Variants in PPP6R3 observed in about 807,000 individuals in gnomAD.
The protein encoded by PPP6R3 is serine/threonine-protein phosphatase 6 regulatory subunit 3.
In PPP6R3, 38 loss-of-function variants were observed where a neutral mutation model predicts 110.7. The observed-to-expected ratio is 0.34, with a 90% CI of 0.26 to 0.45. PPP6R3 has a LOEUF of 0.45. Ranked by LOEUF, PPP6R3 falls within the 20% of genes least tolerant of loss-of-function variation. The pLI, the probability that PPP6R3 is intolerant of heterozygous loss-of-function variation, is 1.00. For synonymous variants in PPP6R3, 369 were observed against 373.5 expected (o/e 0.99, Z 0.14); for missense variants, 870 against 1,062.4 (o/e 0.82, Z 2.52).
intron 4 of PPP6R3, among the ~76,000 whole-genome samples, chr11:68,546,620 ATAGTAT>A (rs1229017963): frequency 6.6e-6 from 1 of 152,160 alleles, no homozygotes; most frequent in African/African-American, 2.4e-5. Flanking sequence ...CTGTTATGTG[ATAGTAT>A]TAGTAGGGGT....
rs1277692555 is a variant in PPP6R3, at chr11:68,491,360, G to GTGTGTGTT, written c.-157-28134_-157-28133insTTGTGTGT. Among the ~76,000 whole-genome samples, 5 of 150,828 alleles carry GTGTGTGTT rather than the reference G, an allele frequency of 3.3e-5. No individual in the cohort carries two copies. The East Asian group carries it at 9.7e-4, about 29-fold the overall frequency. Reference sequence around the variant, plus strand: ...TGTGTGTGTGTGTGTGTGTGTGTGTGTGTGTGTGTGTGTGTGTGTTTGAGA... The same window carrying GTGTGTGTT: ...TGTGTGTGTGTGTGTGTGTGTGTGTGTGTGTGTTTGTGTGTGTGTGTGTGTGTTTGAGA... On this transcript the variant is annotated intron_variant, in intron 1 of 23. Transcript: ENST00000393800.
intron 18 of PPP6R3, among the ~76,000 whole-genome samples, chr11:68,592,043 T>C (rs2099596964): frequency 6.6e-6 from 1 of 152,258 alleles, no homozygotes; most frequent in Non-Finnish European, 1.5e-5. Context: ...ATGTGTTGTT[T>C]CTTGTAAAAG....
At chr11:68,578,876 T>C (rs2099542143) in intron 14 of PPP6R3, among the ~76,000 whole-genome samples, 1 of 152,228 alleles carries the variant, frequency 6.6e-6, no homozygotes, top group Admixed American at 6.5e-5. Flanking sequence ...TTTAATTATA[T>C]CCAAAGACCT....
At chr11:68,540,219 G>T (rs1382042901) in intron 3 of PPP6R3, among the ~76,000 whole-genome samples, 2 of 152,188 alleles carry the variant, frequency 1.3e-5, no homozygotes, top group Non-Finnish European at 2.9e-5. Context: ...ATTCACATAG[G>T]TTCTTTTCTG....
intron 3 of PPP6R3, among the ~76,000 whole-genome samples, chr11:68,544,473 T>G (rs2099338583): frequency 6.6e-6 from 1 of 152,226 alleles, no homozygotes; most frequent in Non-Finnish European, 1.5e-5. Flanking sequence ...GCTTTGCTGC[T>G]TCCCATGCCA....
chr11:68,543,548 G>T (rs955346851), intron 3 of PPP6R3, among the ~76,000 whole-genome samples: 2 of 152,188 alleles, frequency 1.3e-5, no homozygotes, highest in African/African-American at 4.8e-5. Context: ...TTGTGCCAGG[G>T]TCTTGCTGCA....
intron 5 of PPP6R3, among the ~76,000 whole-genome samples, chr11:68,549,674 G>A (rs1592963189): frequency 6.6e-6 from 1 of 152,170 alleles, no homozygotes; most frequent in South Asian, 2.1e-4. Context: ...ATTATCATAG[G>A]GAGAGATTTA....
intron 11 of PPP6R3, 136 bp downstream of exon 11, chr11:68,570,033 G>C: frequency 1.3e-6 from 1 of 772,206 alleles, no homozygotes; most frequent in Admixed American, 2.9e-5. Flanking sequence ...TCATGTGTTC[G>C]TTTCACTTTT....
At chr11:68,611,978 C>T (rs1422527755) in intron 23 of PPP6R3, among the ~76,000 whole-genome samples, 1 of 152,144 alleles carries the variant, frequency 6.6e-6, no homozygotes, top group East Asian at 1.9e-4. Context: ...TCAAGCATGT[C>T]CTTTGTGCTT....
intron 3 of PPP6R3, among the ~76,000 whole-genome samples, chr11:68,541,599 C>T (rs2099315920): frequency 6.6e-6 from 1 of 152,118 alleles, no homozygotes; most frequent in South Asian, 2.1e-4. Context: ...GCCTGTTAGA[C>T]ATGAGGTGGA....
intron 16 of PPP6R3, 59 bp from the exon 17 acceptor site, chr11:68,590,601 G>A (rs1225613006): frequency 1.1e-5 from 16 of 1,465,168 alleles, no homozygotes; most frequent in Middle Eastern, 2.4e-4. Context: ...TCATAAATAC[G>A]GTTTCTGTGA....
At chr11:68,528,783 C>A (rs940697465) in intron 2 of PPP6R3, among the ~76,000 whole-genome samples, 5 of 152,200 alleles carry the variant, frequency 3.3e-5, no homozygotes, top group African/African-American at 7.2e-5. Context: ...AGTCACCAGA[C>A]CCTCCTGGAG....
At chr11:68,588,066 C>T in intron 16 of PPP6R3, 42 bp downstream of exon 16, 1 of 1,516,472 alleles carries the variant, frequency 6.6e-7, no homozygotes, top group Non-Finnish European at 9.2e-7. Context: ...CTTGCACACC[C>T]TTGCTCTTGG....
intron 5 of PPP6R3, 63 bp downstream of exon 5, chr11:68,548,267 C>A: frequency 1.3e-6 from 2 of 1,583,748 alleles, no homozygotes; most frequent in Non-Finnish European, 1.7e-6. Context: ...GCCCACCAGG[C>A]TGCTGTGTGC....
chr11:68,591,613 G>A lies in PPP6R3; in HGVS notation c.1823G>A (p.Arg608Lys). The change falls in exon 18 of 24, where the codon AGA becomes AAA. Residue 608 changes from arginine (R) to lysine (K), a missense_variant. Arg to Lys is a conservative substitution (Grantham distance 26, BLOSUM62 2). Transcript: ENST00000393800. ...IALFEACCKE[R>K]IQQFDDGGSD... Reference sequence around the variant, plus strand: ...TTGTTTGAAGCATGTTGTAAGGAAAGAATACAACAGTTTGATGATGGTGGC... The same window carrying A: ...TTGTTTGAAGCATGTTGTAAGGAAAAAATACAACAGTTTGATGATGGTGGC... 6.2e-7 allele frequency: 1 copy of A among 1,611,852 alleles called. No homozygotes were observed. Among genetic ancestry groups the A allele is most frequent in the Non-Finnish European group, 8.5e-7 (1 of 1,178,940 alleles).
Position 68,574,225 on chromosome 11 carries a change from G to T in PPP6R3, c.1459+1G>T, listed in dbSNP as rs2099521565. ...GCATTAGTGCAGCAGCTTATCAAAG[G>T]TAAGTTATTTGTGAAATTTGAATTA... On this transcript the variant is annotated splice_donor_variant, in intron 13 of 23. Transcript: ENST00000393800. LOFTEE classifies it high-confidence loss of function. 6.2e-7 allele frequency: 1 copy of T among 1,609,578 alleles called. No homozygotes were observed. The highest frequency in any genetic ancestry group is 1.3e-5 in the African/African-American group (1 of 74,826).
intron 1 of PPP6R3, among the ~76,000 whole-genome samples, chr11:68,501,600 T>A (rs138217648): frequency 0.047 from 7,169 of 152,306 alleles, 616 homozygotes; most frequent in African/African-American, 0.16. Flanking sequence ...GTGCTGGGAT[T>A]ACAGGCGTGA....
At chr11:68,492,118 A>C (rs1311237378) in intron 1 of PPP6R3, among the ~76,000 whole-genome samples, 3 of 152,100 alleles carry the variant, frequency 2.0e-5, no homozygotes, top group African/African-American at 7.2e-5. Flanking sequence ...AGTGTCTTCA[A>C]GGTTTACTCA....
At chr11:68,606,292 C>T (rs557990536) in intron 22 of PPP6R3, among the ~76,000 whole-genome samples, 1 of 151,790 alleles carries the variant, frequency 6.6e-6, no homozygotes, top group South Asian at 2.1e-4. Flanking sequence ...CCTCCTCTTC[C>T]TCCTCCCTCC....
Sources: allele counts gnomAD v4.1 joint callset (sites outside exome capture counted in the v4.1 genomes callset), GRCh38; gene constraint gnomAD v4.1.1; transcripts MANE v1.5; gene names NCBI Gene and HGNC (gene_info 2026-07-23, HGNC 2026-07-21).